The following BTBD8 variants were observed in gnomAD, a reference collection of about 807,000 sequenced individuals.
The protein encoded by BTBD8 is BTB domain containing 8, also known as BTB/POZ domain-containing protein 8.
BTBD8 carries 110 observed loss-of-function variants against 162.9 expected under a neutral mutation model. The observed-to-expected ratio is 0.68, with a 90% CI of 0.58 to 0.79. The LOEUF is 0.79. Among genes scored for constraint, BTBD8 ranks in the 30% least tolerant of loss-of-function variants. The pLI, the probability that BTBD8 is intolerant of heterozygous loss-of-function variation, is 0.00. For missense variants in BTBD8, 1,905 were observed against 2,085.4 expected (o/e 0.91, Z 1.68); for synonymous variants, 667 against 716.1 (o/e 0.93, Z 1.10).
intron 9 of BTBD8, among the ~76,000 whole-genome samples, chr1:92,150,074 A>G (rs370137446): frequency 1.5e-4 from 23 of 152,338 alleles, no homozygotes; most frequent in South Asian, 1.2e-3. Flanking sequence ...TCTTTATACA[A>G]TAAGTCTGCA....
chr1:92,164,875 A>G (rs923267579), intron 9 of BTBD8, among the ~76,000 whole-genome samples: 1 of 151,762 alleles, frequency 6.6e-6, no homozygotes, highest in African/African-American at 2.4e-5. Flanking sequence ...GATGGTCTCA[A>G]TCTCCTGACC....
chr1:92,167,712 T>C, intron 10 of BTBD8, 136 bp from the exon 11 acceptor site: 3 of 650,964 alleles, frequency 4.6e-6, no homozygotes, highest in Middle Eastern at 3.9e-4. Context: ...ATATGCGAAT[T>C]TTTTAACAAA....
chr1:92,165,960 TAATA>T (rs1650375605), intron 9 of BTBD8, among the ~76,000 whole-genome samples: 1 of 152,194 alleles, frequency 6.6e-6, no homozygotes, highest in African/African-American at 2.4e-5. Flanking sequence ...AGTAACTAAT[TAATA>T]AATAGTTATT....
intron 9 of BTBD8, among the ~76,000 whole-genome samples, chr1:92,149,851 G>C (rs563137274): frequency 6.6e-6 from 1 of 152,030 alleles, no homozygotes; most frequent in African/African-American, 2.4e-5. Context: ...TACCCATAGC[G>C]TCCAGACTGG....
At chr1:92,104,261 C>T (rs1648669919) in intron 3 of BTBD8, among the ~76,000 whole-genome samples, 1 of 152,176 alleles carries the variant, frequency 6.6e-6, no homozygotes, top group South Asian at 2.1e-4. Context: ...TGTAAAGCAA[C>T]AACAGTTACT....
intron 9 of BTBD8, among the ~76,000 whole-genome samples, chr1:92,165,554 T>C (rs1650367051): frequency 6.6e-6 from 1 of 151,438 alleles, no homozygotes. Flanking sequence ...ATGCTGTCCA[T>C]GTTAGGTATT....
Position 92,147,262 on chromosome 1 carries a change from G to T in BTBD8, c.1013G>T (p.Cys338Phe). 6.2e-7 allele frequency: 1 copy of T among 1,605,862 alleles called. No homozygotes were observed. Among genetic ancestry groups the T allele is most frequent in the Non-Finnish European group, 8.5e-7 (1 of 1,173,498 alleles). ...SVGVESLFADCMKWIVKHFAR... is the reference protein window; with the variant it reads ...SVGVESLFADFMKWIVKHFAR... Reference sequence around the variant, plus strand: ...GGAGTGGAAAGTCTTTTTGCTGACTGCATGAAGTAAGTTATGTTAAGTAGT... The same window carrying T: ...GGAGTGGAAAGTCTTTTTGCTGACTTCATGAAGTAAGTTATGTTAAGTAGT... Residue 338 changes from cysteine (C) to phenylalanine (F), a missense_variant, in exon 8 of 18, where the codon TGC becomes TTC. Transcript: ENST00000636805.
intron 6 of BTBD8, among the ~76,000 whole-genome samples, chr1:92,140,774 A>G (rs1570741321): frequency 6.6e-6 from 1 of 152,254 alleles, no homozygotes; most frequent in African/African-American, 2.4e-5. Flanking sequence ...AACTTTTATT[A>G]TACAAATTTG....
At chr1:92,145,854 G>A (rs1292716493) in intron 7 of BTBD8, among the ~76,000 whole-genome samples, 3 of 152,052 alleles carry the variant, frequency 2.0e-5, no homozygotes, top group Middle Eastern at 3.4e-3. Context: ...GGTGGCAGGC[G>A]CCTGTAATCC....
rs1361044134 is a variant in BTBD8, at chr1:92,182,015, A to G, written c.4332A>G (p.Glu1444=). 6.4e-7 allele frequency: 1 copy of G among 1,551,522 alleles called. No homozygotes were observed. Among genetic ancestry groups the G allele is most frequent in the South Asian group, 1.2e-5 (1 of 84,022 alleles). Residue 1444 remains glutamate (E), a synonymous_variant, in exon 17 of 18, where the codon GAA becomes GAG. Coordinates refer to ENST00000636805, the MANE Select transcript of BTBD8 (RefSeq NM_001376131.1). ...FKRSVLLSVD[E]CEELGSDEGE... is the part of the protein sequence containing the mutation. ...GGTCAGTTTTACTTTCAGTCGATGAATGTGAAGAGCTGGGATCAGATGAAG... is the reference window on the plus strand; with the variant it reads ...GGTCAGTTTTACTTTCAGTCGATGAGTGTGAAGAGCTGGGATCAGATGAAG...
At chr1:92,105,861 C>G (rs1011172173) in intron 3 of BTBD8, among the ~76,000 whole-genome samples, 1 of 152,162 alleles carries the variant, frequency 6.6e-6, no homozygotes, top group Non-Finnish European at 1.5e-5. Flanking sequence ...TTGGTTATAA[C>G]TAAGTGTTTG....
intron 7 of BTBD8, among the ~76,000 whole-genome samples, chr1:92,145,346 A>G (rs1191040301): frequency 1.3e-5 from 2 of 152,186 alleles, no homozygotes; most frequent in African/African-American, 4.8e-5. Context: ...TTCATAAATA[A>G]AGAGTTGGAA....
chr1:92,091,516 T>C (rs1456391395), intron 2 of BTBD8, among the ~76,000 whole-genome samples: 2 of 152,008 alleles, frequency 1.3e-5, no homozygotes. Context: ...GGTTTTGCTG[T>C]GTTTCGTAGG....
intron 2 of BTBD8, among the ~76,000 whole-genome samples, chr1:92,098,685 G>C (rs1349521297): frequency 1.3e-5 from 2 of 152,032 alleles, no homozygotes; most frequent in African/African-American, 4.8e-5. Context: ...GATAGGTAAT[G>C]ATCTTGAGCA....
In BTBD8 at chr1:92,178,357, A is replaced by G; in HGVS notation, c.2487A>G (p.Pro829=). 6.4e-7 allele frequency: 1 copy of G among 1,551,700 alleles called. No individual in the cohort carries two copies. Among genetic ancestry groups the G allele is most frequent in the Non-Finnish European group, 8.7e-7 (1 of 1,146,870 alleles). Residue 829 remains proline (P), a synonymous_variant, in exon 16 of 18, where the codon CCA becomes CCG. Coordinates refer to ENST00000636805, the MANE Select transcript of BTBD8 (RefSeq NM_001376131.1). ...VSGKGCSEPV[P]QAILKKRGTS... is the part of the protein sequence containing the mutation. ...GCAAAGGATGTAGTGAGCCAGTACC[A>G]CAGGCAATTTTGAAGAAAAGAGGAA...
intron 4 of BTBD8, among the ~76,000 whole-genome samples, chr1:92,129,021 C>T (rs1649438698): frequency 6.6e-6 from 1 of 151,722 alleles, no homozygotes; most frequent in African/African-American, 2.4e-5. Context: ...GATAGAAGGC[C>T]ACCTTGTTAA....
rs1277513972 is a variant in BTBD8 at position 92,171,443 on chromosome 1, A to G, written c.1618A>G (p.Ile540Val). Residue 540 changes from isoleucine (I) to valine (V), a missense_variant, in exon 13 of 18, where the codon ATA becomes GTA. Ile to Val is a conservative substitution (Grantham distance 29). This residue lies in a region of BTBD8 where 1,374 missense variants were observed against 1,442.7 expected (regional missense o/e 0.95). Transcript: ENST00000636805. ...GDDRRLGKKPIFSSSQQRKQV... is the reference protein window; with the variant it reads ...GDDRRLGKKPVFSSSQQRKQV... ...TGATCGAAGACTTGGCAAAAAGCCTATATTCAGTAGCTCGCAGGTAAACTT... is the reference window on the plus strand; with the variant it reads ...TGATCGAAGACTTGGCAAAAAGCCTGTATTCAGTAGCTCGCAGGTAAACTT... The G allele has an allele frequency of 3.3e-6, 5 of 1,531,092 alleles. No individual in the cohort carries two copies. In the East Asian group the frequency reaches 7.5e-5, roughly 23 times the overall value. 94.8% of individuals were successfully genotyped at this position (1,531,092 alleles called of 1,614,324 possible).
Position 92,182,615 on chromosome 1 carries a change from A to G in BTBD8, c.4912+20A>G. 3 of 1,377,596 alleles carry G rather than the reference A, an allele frequency of 2.2e-6. No homozygotes were observed. The highest frequency in any genetic ancestry group is 2.9e-6 in the Non-Finnish European group (3 of 1,051,160). 85.3% of individuals were successfully genotyped at this position (1,377,596 alleles called of 1,614,324 possible). ...CTGCAGGTAATGTACAGAAATAGAA[A>G]TGCTAAATGCATAAGAAAATAAGTT... On this transcript the variant is annotated intron_variant, in intron 17 of 17. Transcript: ENST00000636805.
chr1:92,123,436 T>A (rs6604080), intron 4 of BTBD8, among the ~76,000 whole-genome samples: 98,553 of 151,918 alleles, frequency 0.65, 32,463 homozygotes, highest in East Asian at 0.97. Flanking sequence ...GGAAGAATGG[T>A]CATATTAACA....
Sources: gnomAD v4.1 joint callset for allele counts (sites outside exome capture counted in the v4.1 genomes callset) on GRCh38, gnomAD v4.1.1 for gene constraint, gnomAD v4.1.1 regional missense constraint, MANE v1.5 for transcripts, NCBI Gene and HGNC (gene_info 2026-07-23, HGNC 2026-07-21) for gene names.